Variants in ATXN7L1 observed in about 807,000 individuals in gnomAD.
ATXN7L1 encodes ataxin-7-like protein 1.
A neutral mutation model predicts 70.8 loss-of-function variants in ATXN7L1; 15 were observed. The observed-to-expected ratio is 0.21, with a 90% CI of 0.14 to 0.33. ATXN7L1 has a LOEUF of 0.33. Ranked by LOEUF, ATXN7L1 falls within the 10% of genes least tolerant of loss-of-function variation. The pLI, the probability that ATXN7L1 is intolerant of heterozygous loss-of-function variation, is 1.00. For synonymous variants in ATXN7L1, 440 were observed against 445.1 expected (o/e 0.99, Z 0.14); for missense variants, 975 against 1,097.1 (o/e 0.89, Z 1.57).
At chr7:105,769,852 G>A (rs1801751015) in intron 3 of ATXN7L1, among the ~76,000 whole-genome samples, 1 of 152,166 alleles carries the variant, frequency 6.6e-6, no homozygotes, top group South Asian at 2.1e-4. Context: ...GAATCCCACA[G>A]AATCATGCCC....
intron 3 of ATXN7L1, among the ~76,000 whole-genome samples, chr7:105,734,460 G>T (rs1797154962): frequency 1.3e-5 from 2 of 152,152 alleles, no homozygotes; most frequent in African/African-American, 4.8e-5. Flanking sequence ...ACAGAAATCA[G>T]GACAGGCAGC....
intron 5 of ATXN7L1, among the ~76,000 whole-genome samples, chr7:105,641,832 G>A (rs1421130445): frequency 1.3e-5 from 2 of 152,244 alleles, no homozygotes; most frequent in Non-Finnish European, 2.9e-5. Context: ...AATGCTTTGG[G>A]CTTGAGGGAT....
At chr7:105,689,818 T>A (rs1348138857) in intron 3 of ATXN7L1, among the ~76,000 whole-genome samples, 4 of 152,164 alleles carry the variant, frequency 2.6e-5, no homozygotes, top group Non-Finnish European at 5.9e-5. Flanking sequence ...AGTTTTAGCT[T>A]CTCAGCTCCC....
chr7:105,743,608 C>T (rs1798257903), intron 3 of ATXN7L1, among the ~76,000 whole-genome samples: 4 of 152,152 alleles, frequency 2.6e-5, no homozygotes, highest in Admixed American at 2.0e-4. Flanking sequence ...CGTGACTATG[C>T]TGAATGTTAC....
chr7:105,787,339 G>A (rs1222633379), intron 3 of ATXN7L1, among the ~76,000 whole-genome samples: 3 of 152,122 alleles, frequency 2.0e-5, no homozygotes, highest in Non-Finnish European at 2.9e-5. Context: ...AGAAGACTTG[G>A]CCTCTGACCA....
intron 3 of ATXN7L1, among the ~76,000 whole-genome samples, chr7:105,699,181 G>A (rs1467509706): frequency 6.6e-6 from 1 of 151,810 alleles, no homozygotes; most frequent in East Asian, 1.9e-4. Context: ...CACCCAGGTT[G>A]GAGCACAGTT....
intron 2 of ATXN7L1, among the ~76,000 whole-genome samples, chr7:105,854,868 A>C (rs898290144): frequency 6.6e-6 from 1 of 152,202 alleles, no homozygotes; most frequent in Non-Finnish European, 1.5e-5. Context: ...AATTGAATAT[A>C]AAACTCATCA....
At chr7:105,805,692 C>T (rs1807471332) in intron 2 of ATXN7L1, among the ~76,000 whole-genome samples, 1 of 152,156 alleles carries the variant, frequency 6.6e-6, no homozygotes, top group Non-Finnish European at 1.5e-5. Context: ...CAGGATGACC[C>T]CAGAGTCGGT....
chr7:105,764,289 G>T (rs1800948328), intron 3 of ATXN7L1, among the ~76,000 whole-genome samples: 1 of 150,746 alleles, frequency 6.6e-6, no homozygotes, highest in South Asian at 2.1e-4. Flanking sequence ...AGAAGGCTTG[G>T]CAAAGCTTAA....
In ATXN7L1 at chr7:105,605,012, C is replaced by T. The variant is rs1196056819; in HGVS notation, c.*2840G>A. 7.7e-6 allele frequency: 1 copy of T among 130,198 alleles called. No homozygotes were observed. The highest frequency in any genetic ancestry group is 2.9e-5 in the African/African-American group (1 of 34,504). The allele number at this position is 130,198 out of a possible 1,614,324, so 8.1% of individuals were successfully genotyped here. On this transcript the variant is annotated 3_prime_UTR_variant, in exon 12 of 12. Transcript: ENST00000419735. ...ATTATTTACAATTGGTACATTGATA[C>T]AAAAGAAGGCATACAAGTTATCCAA...
chr7:105,758,769 T>C (rs909890675), intron 3 of ATXN7L1, among the ~76,000 whole-genome samples: 1 of 152,228 alleles, frequency 6.6e-6, no homozygotes, highest in Non-Finnish European at 1.5e-5. Context: ...GTGCCATCTG[T>C]AGATAGACCA....
intron 4 of ATXN7L1, among the ~76,000 whole-genome samples, chr7:105,655,009 G>A (rs963960645): frequency 1.3e-5 from 2 of 151,392 alleles, no homozygotes; most frequent in African/African-American, 4.9e-5. Flanking sequence ...CTCCCAAAGT[G>A]CTGGGATTAC....
At chr7:105,768,274 A>G (rs1481573687) in intron 3 of ATXN7L1, among the ~76,000 whole-genome samples, 1 of 152,242 alleles carries the variant, frequency 6.6e-6, no homozygotes, top group Non-Finnish European at 1.5e-5. Flanking sequence ...GTATATAACC[A>G]CCATACCCAT....
At chr7:105,723,180 C>T (rs945230761) in intron 3 of ATXN7L1, among the ~76,000 whole-genome samples, 7 of 152,120 alleles carry the variant, frequency 4.6e-5, no homozygotes, top group Non-Finnish European at 8.8e-5. Flanking sequence ...TAAGAGGGCT[C>T]GGGGTTAGAC....
At chr7:105,733,892 C>G (rs1340255255) in intron 3 of ATXN7L1, among the ~76,000 whole-genome samples, 7 of 119,658 alleles carry the variant, frequency 5.9e-5, no homozygotes, top group Non-Finnish European at 9.1e-5. Context: ...CATCCATCAT[C>G]CATCCATCCA....
intron 3 of ATXN7L1, among the ~76,000 whole-genome samples, chr7:105,672,364 G>A (rs1803893143): frequency 6.6e-6 from 1 of 152,140 alleles, no homozygotes; most frequent in Admixed American, 6.5e-5. Flanking sequence ...TGTAATCAAT[G>A]GATATTTTGG....
intron 3 of ATXN7L1, among the ~76,000 whole-genome samples, chr7:105,757,170 C>T (rs925098799): frequency 6.6e-6 from 1 of 152,076 alleles, no homozygotes; most frequent in African/African-American, 2.4e-5. Context: ...ATTCTTATTT[C>T]TTTCCTTGGT....
rs143169376 is a variant in ATXN7L1 at position 105,819,442 on chromosome 7, AT to A, written c.251-30735del. On this transcript the variant is annotated intron_variant, in intron 2 of 11. Transcript: ENST00000419735. ...CAAAATGCATTAACTTGTATTTGGGATTTAAAAAAAAAAAAAAAAAGAGTGT... is the reference window on the plus strand; with the variant it reads ...CAAAATGCATTAACTTGTATTTGGGATTAAAAAAAAAAAAAAAAAGAGTGT... 9.8e-4 allele frequency: 608 copies of A among 622,620 alleles called. 1 individual carries two copies. In the African/African-American group the frequency reaches 9.9e-3, roughly 10 times the overall value. The allele number at this position is 622,620 out of a possible 1,614,324, so 38.6% of individuals were successfully genotyped here. A position where few individuals can be genotyped will look rare whatever the true frequency, so the allele number is the denominator to read the frequency against.
At chr7:105,619,522 ATATATATATTTTTTTTTTTTTTTTTTTT>A (rs1794568267) in intron 9 of ATXN7L1, among the ~76,000 whole-genome samples, 2 of 20,142 alleles carry the variant, frequency 9.9e-5, no homozygotes, top group African/African-American at 2.4e-4. Context: ...ATATATATAT[ATATATATATTTTTTTTTTTTTTTTTTTT>A]TTTTTTTTTT....
Sources: allele counts gnomAD v4.1 joint callset (sites outside exome capture counted in the v4.1 genomes callset), GRCh38; gene constraint gnomAD v4.1.1; transcripts MANE v1.5; gene names NCBI Gene and HGNC (gene_info 2026-07-23, HGNC 2026-07-21).